Variants in DPYD observed in about 807,000 individuals in gnomAD.
The protein encoded by DPYD is dihydropyrimidine dehydrogenase [NADP(+)].
Under a neutral mutation model 116.2 loss-of-function variants are expected in DPYD, and 109 were observed. That is an observed-to-expected ratio of 0.94 (90% CI 0.80 to 1.10). The LOEUF (loss-of-function observed/expected upper bound fraction) is 1.10. Among genes scored for constraint, DPYD ranks in the 50% least tolerant of loss-of-function variants. The probability of loss-of-function intolerance (pLI) is 0.00; values close to 1 mark genes in which losing one functional copy is unlikely to be tolerated. For missense variants in DPYD, 1,302 were observed against 1,254.5 expected (o/e 1.04, Z -0.57); for synonymous variants, 440 against 432.0 (o/e 1.02, Z -0.23).
chr1:97,311,167 T>G (rs1667493208), intron 16 of DPYD, among the ~76,000 whole-genome samples: 1 of 151,654 alleles, frequency 6.6e-6, no homozygotes, highest in African/African-American at 2.4e-5. Context: ...GGAAAACTAT[T>G]GATATATTTG....
intron 3 of DPYD, among the ~76,000 whole-genome samples, chr1:97,784,353 A>G (rs74107714): frequency 0.029 from 4,361 of 152,226 alleles, 207 homozygotes; most frequent in African/African-American, 0.096. Flanking sequence ...GTAGGTATCT[A>G]CTTAGTAACC....
intron 8 of DPYD, among the ~76,000 whole-genome samples, chr1:97,644,401 A>T (rs1658124555): frequency 6.6e-6 from 1 of 151,972 alleles, no homozygotes; most frequent in South Asian, 2.1e-4. Flanking sequence ...TCAGATGGTA[A>T]TACATTATAA....
At chr1:97,871,297 CT>C (rs1224510447) in intron 2 of DPYD, among the ~76,000 whole-genome samples, 7 of 151,976 alleles carry the variant, frequency 4.6e-5, no homozygotes, top group Non-Finnish European at 8.8e-5. Context: ...GGTTCCAGAT[CT>C]TTTGGATCCC....
intron 16 of DPYD, among the ~76,000 whole-genome samples, chr1:97,312,315 A>G (rs1431072904): frequency 6.6e-6 from 1 of 151,882 alleles, no homozygotes; most frequent in African/African-American, 2.4e-5. Context: ...TAGGCTCTCA[A>G]TAGGAAAGTA....
At chr1:97,378,902 A>G (rs892443819) in intron 15 of DPYD, among the ~76,000 whole-genome samples, 3 of 152,230 alleles carry the variant, frequency 2.0e-5, no homozygotes, top group African/African-American at 4.8e-5. Context: ...AGACAGAGGT[A>G]GATCCAGATT....
intron 13 of DPYD, among the ~76,000 whole-genome samples, chr1:97,506,139 C>T (rs1647306041): frequency 6.6e-6 from 1 of 151,872 alleles, no homozygotes; most frequent in African/African-American, 2.4e-5. Flanking sequence ...TGTAATTTTA[C>T]TAAAACAGAG....
chr1:97,271,302 A>G (rs1351379206), intron 18 of DPYD, among the ~76,000 whole-genome samples: 1 of 152,198 alleles, frequency 6.6e-6, no homozygotes, highest in Non-Finnish European at 1.5e-5. Flanking sequence ...AGAAAATTAA[A>G]TGTAGTGTAG....
intron 10 of DPYD, among the ~76,000 whole-genome samples, chr1:97,583,894 A>T (rs1002966296): frequency 1.7e-4 from 26 of 152,164 alleles, no homozygotes; most frequent in Admixed American, 1.7e-3. Context: ...GTGTCTTCAT[A>T]GCACCATGAT....
At chr1:97,354,878 C>A (rs911760766) in intron 16 of DPYD, among the ~76,000 whole-genome samples, 1 of 152,132 alleles carries the variant, frequency 6.6e-6, no homozygotes, top group African/African-American at 2.4e-5. Context: ...TCACATTAAT[C>A]CCTGGAGAAT....
chr1:97,901,511 A>G (rs1048585477), intron 1 of DPYD, among the ~76,000 whole-genome samples: 1 of 151,890 alleles, frequency 6.6e-6, no homozygotes, highest in African/African-American at 2.4e-5. Flanking sequence ...AGGAAGCTCT[A>G]GCAGGACTTG....
intron 16 of DPYD, among the ~76,000 whole-genome samples, chr1:97,339,748 GTGA>G (rs1438528302): frequency 6.6e-6 from 1 of 152,182 alleles, no homozygotes; most frequent in Non-Finnish European, 1.5e-5. Context: ...TTTAGTTTAT[GTGA>G]TGATAATTCT....
At chr1:97,843,651 T>A (rs1296710738) in intron 2 of DPYD, among the ~76,000 whole-genome samples, 1 of 152,204 alleles carries the variant, frequency 6.6e-6, no homozygotes, top group Non-Finnish European at 1.5e-5. Flanking sequence ...TTTCTTTCCA[T>A]AAGAAGTCAA....
chr1:97,402,329 C>A (rs931679024), intron 14 of DPYD, among the ~76,000 whole-genome samples: 1 of 151,976 alleles, frequency 6.6e-6, no homozygotes, highest in Non-Finnish European at 1.5e-5. Flanking sequence ...TCACACAGAT[C>A]TTGTCATATT....
chr1:97,484,297 C>T (rs1678493759), intron 13 of DPYD, among the ~76,000 whole-genome samples: 1 of 152,142 alleles, frequency 6.6e-6, no homozygotes, highest in African/African-American at 2.4e-5. Context: ...GAGCAAGACT[C>T]CATCTCAAAA....
intron 13 of DPYD, among the ~76,000 whole-genome samples, chr1:97,512,782 G>A (rs181865749): frequency 2.0e-5 from 3 of 151,738 alleles, no homozygotes; most frequent in East Asian, 1.9e-4. Flanking sequence ...ACTTGGAGCC[G>A]ATATACATTT....
At chr1:97,135,890 T>C (rs1653748721) in intron 20 of DPYD, among the ~76,000 whole-genome samples, 1 of 152,162 alleles carries the variant, frequency 6.6e-6, no homozygotes, top group Non-Finnish European at 1.5e-5. Context: ...GTTTCTGTTA[T>C]TTTTCAAAAT....
At chr1:97,148,237 GGT>G (rs142831995) in intron 20 of DPYD, among the ~76,000 whole-genome samples, 29,197 of 90,562 alleles carry the variant, frequency 0.32, 3,281 homozygotes, top group East Asian at 0.57. Flanking sequence ...GTATGTGTAG[GGT>G]GTGTGTGTGT....
At chr1:97,912,825 T>C (rs1049193046) in intron 1 of DPYD, among the ~76,000 whole-genome samples, 10 of 152,042 alleles carry the variant, frequency 6.6e-5, no homozygotes, top group Non-Finnish European at 1.3e-4. Context: ...GAAGTTTAAA[T>C]TTTTACCCCA....
At chr1:97,670,798 T>C (rs2100894724) in intron 8 of DPYD, among the ~76,000 whole-genome samples, 1 of 152,264 alleles carries the variant, frequency 6.6e-6, no homozygotes, top group African/African-American at 2.4e-5. Flanking sequence ...TCCAATTCTC[T>C]TATCAACTTC....
Sources: allele counts gnomAD v4.1 joint callset (sites outside exome capture counted in the v4.1 genomes callset), GRCh38; gene constraint gnomAD v4.1.1; transcripts MANE v1.5; gene names NCBI Gene and HGNC (gene_info 2026-07-23, HGNC 2026-07-21).